Variants in DMWD observed in about 807,000 individuals in gnomAD.
The protein encoded by DMWD is DM1 locus, WD repeat containing, also known as dystrophia myotonica WD repeat-containing protein.
A neutral mutation model predicts 45.8 loss-of-function variants in DMWD; 19 were observed. That is an observed-to-expected ratio of 0.41 (90% CI 0.29 to 0.61). The LOEUF is 0.61. Among genes scored for constraint, DMWD ranks in the 20% least tolerant of loss-of-function variants. The pLI is 0.25. For missense variants in DMWD, 802 were observed against 965.2 expected (o/e 0.83, Z 2.24); for synonymous variants, 515 against 440.5 (o/e 1.17, Z -2.12).
Position 45,790,929 on chromosome 19 carries a change from G to A in DMWD, c.600C>T (p.Asp200=). Residue 200 remains aspartate (D), a synonymous_variant, in exon 2 of 5, where the codon GAC becomes GAT. Coordinates refer to ENST00000270223, the MANE Select transcript of DMWD (RefSeq NM_004943.2). ...QVQYLDLIKK[D]TSKLFNEERL... The stretch of plus-strand genomic sequence containing the variant: ...CCTCCTCATTGAACAGCTTGCTGGT[G>A]TCCTTTTTGATGAGATCCAGGTACT... 1 of 1,609,968 alleles carries A rather than the reference G, an allele frequency of 6.2e-7. No individual in the cohort carries two copies. Among genetic ancestry groups the A allele is most frequent in the Non-Finnish European group, 8.5e-7 (1 of 1,178,354 alleles).
chr19:45,787,268 C>A (rs1326909354), intron 2 of DMWD: 1 of 278,080 alleles, frequency 3.6e-6, no homozygotes, highest in African/African-American at 2.2e-5. Context: ...GGCGAGCAGG[C>A]ATTACAGCCT....
intron 2 of DMWD, among the ~76,000 whole-genome samples, chr19:45,787,378 T>C (rs952462569): frequency 6.6e-6 from 1 of 152,098 alleles, no homozygotes; most frequent in Admixed American, 6.5e-5. Flanking sequence ...GTGCGCTCCT[T>C]ATTAGAATCT....
chr19:45,789,118 C>T (rs1249168693), intron 2 of DMWD: 1 of 152,186 alleles, frequency 6.6e-6, no homozygotes, highest in East Asian at 1.9e-4. Flanking sequence ...CACACGAAGA[C>T]TTAACTTGAT....
intron 3 of DMWD, 69 bp downstream of exon 3, chr19:45,785,524 CT>C (rs1970258459): frequency 7.0e-7 from 1 of 1,426,806 alleles, no homozygotes; most frequent in Non-Finnish European, 9.2e-7. Context: ...AGCCCTCTCT[CT>C]GCCAATGCCT....
chr19:45,792,188 G>A (rs1435820995), intron 1 of DMWD, 128 bp downstream of exon 1: 1 of 1,391,458 alleles, frequency 7.2e-7, no homozygotes, highest in Admixed American at 3.0e-5. Context: ...CAATGCTGTC[G>A]CCCTACAACG....
rs1970233079 is a variant in DMWD, at chr19:45,784,228, C to T, written c.*15G>A. On this transcript the variant is annotated 3_prime_UTR_variant, in exon 5 of 5. Transcript: ENST00000270223. ...GCTGGGGGCATGGGGTTGGGGGGGC[C>T]CGATATCCATGGCTTCACACCACTG... 1 of 1,557,384 alleles carries T rather than the reference C, an allele frequency of 6.4e-7. No individual in the cohort carries two copies. The highest frequency in any genetic ancestry group is 2.3e-5 in the East Asian group (1 of 43,228).
chr19:45,784,922 C>T (rs1199365321), intron 3 of DMWD, among the ~76,000 whole-genome samples: 1 of 152,210 alleles, frequency 6.6e-6, no homozygotes, highest in Non-Finnish European at 1.5e-5. Flanking sequence ...ACACCCAAGA[C>T]GAGCTCCGAA....
chr19:45,783,930 G>A lies in DMWD; in HGVS notation c.*313C>T, dbSNP rs912661667. The A allele has an allele frequency of 1.3e-5, 7 of 538,328 alleles. No individual in the cohort carries two copies. Among genetic ancestry groups the A allele is most frequent in the African/African-American group, 1.0e-4 (5 of 49,924 alleles). The allele number at this position is 538,328 out of a possible 1,614,324, so 33.3% of individuals were successfully genotyped here. On this transcript the variant is annotated 3_prime_UTR_variant, in exon 5 of 5. Coordinates refer to ENST00000270223, the MANE Select transcript of DMWD (RefSeq NM_004943.2). ...CTGCAGACCTGGGGCTCTTGTGGCA[G>A]GGGCGGGGAGTCTCTCCCCAGGAGT...
Position 45,783,992 on chromosome 19 carries a change from A to C in DMWD, c.*251T>G, listed in dbSNP as rs1482833588. The stretch of plus-strand genomic sequence containing the variant: ...TGCTGGGGACAGGGATGAGGGTAAC[A>C]CTGATGTTTCAGAGGAAGAGGTCAT... On this transcript the variant is annotated 3_prime_UTR_variant, in exon 5 of 5. Coordinates refer to ENST00000270223, the MANE Select transcript of DMWD (RefSeq NM_004943.2). 1 of 638,634 alleles carries C rather than the reference A, an allele frequency of 1.6e-6. No individual in the cohort carries two copies. The highest frequency in any genetic ancestry group is 2.8e-6 in the Non-Finnish European group (1 of 362,064). The allele number at this position is 638,634 out of a possible 1,614,324, so 39.6% of individuals were successfully genotyped here. A position where few individuals can be genotyped will look rare whatever the true frequency, so the allele number is the denominator to read the frequency against.
rs1408024087 is a variant in DMWD, at chr19:45,792,667, C to T, written c.90G>A (p.Glu30=). The T allele has an allele frequency of 7.6e-7, 1 of 1,317,822 alleles. No homozygotes were observed. Among genetic ancestry groups the T allele is most frequent in the Non-Finnish European group, 9.8e-7 (1 of 1,017,912 alleles). The allele number at this position is 1,317,822 out of a possible 1,614,324, so 81.6% of individuals were successfully genotyped here. A position where few individuals can be genotyped will look rare whatever the true frequency, so the allele number is the denominator to read the frequency against. ...CGCCCGGGAGTAGCTTGTAGAAACC[C>T]TCGCGCGTGCGGAATTGCGACTTAA... The part of the protein sequence containing the change: ...AEIKSQFRTR[E]GFYKLLPGDG... The change falls in exon 1 of 5, where the codon GAG becomes GAA. Residue 30 remains glutamate (E), a synonymous_variant. Coordinates refer to ENST00000270223, the MANE Select transcript of DMWD (RefSeq NM_004943.2).
Position 45,790,775 on chromosome 19 carries a change from C to G in DMWD, c.624+130G>C, listed in dbSNP as rs548419434. On this transcript the variant is annotated intron_variant, in intron 2 of 4. Coordinates refer to ENST00000270223, the MANE Select transcript of DMWD (RefSeq NM_004943.2). ...GGCAGCTGTCATTAGCTGCTGTCAC[C>G]CCATTCTCCATCTCTCCCTGGTCCT... 1,390 of 1,042,242 alleles carry G rather than the reference C, an allele frequency of 1.3e-3. 6 individuals are homozygous for G. The highest frequency in any genetic ancestry group is 2.5e-3 in the South Asian group (152 of 59,624). The allele number at this position is 1,042,242 out of a possible 1,614,324, so 64.6% of individuals were successfully genotyped here. A position where few individuals can be genotyped will look rare whatever the true frequency, so the allele number is the denominator to read the frequency against.
chr19:45,790,858 G>A (rs2146275310), intron 2 of DMWD, 47 bp downstream of exon 2: 4 of 1,566,084 alleles, frequency 2.6e-6, no homozygotes, highest in East Asian at 2.2e-5. Context: ...CATATAGTGG[G>A]TAGGTGAGAA....
chr19:45,784,795 C>A, intron 3 of DMWD, 80 bp from the exon 4 acceptor site: 1 of 1,557,380 alleles, frequency 6.4e-7, no homozygotes, highest in Non-Finnish European at 8.7e-7. Context: ...GTCACTCAGA[C>A]TGTGCTCTCA....
At chr19:45,790,356 TAAA>T (rs968100127) in intron 2 of DMWD, among the ~76,000 whole-genome samples, 1 of 123,062 alleles carries the variant, frequency 8.1e-6, no homozygotes. Context: ...CAATTACAAT[TAAA>T]AAAAAAAAAA....
chr19:45,788,891 T>C (rs1970318670), intron 2 of DMWD, among the ~76,000 whole-genome samples: 1 of 149,092 alleles, frequency 6.7e-6, no homozygotes, highest in East Asian at 2.0e-4. Flanking sequence ...ATCGTACCAC[T>C]GCACTCCAGC....
At position 45,785,980 on chromosome 19, in the gene DMWD, C is replaced by T; in HGVS notation, c.1516G>A (p.Gly506Ser). The T allele has an allele frequency of 1.3e-6, 2 of 1,570,990 alleles. No homozygotes were observed. Among genetic ancestry groups the T allele is most frequent in the Non-Finnish European group, 8.6e-7 (1 of 1,159,820 alleles). The change falls in exon 3 of 5, where the codon GGC becomes AGC. Residue 506 changes from glycine (G) to serine (S), a missense_variant. This residue lies in a region of DMWD where 303 missense variants were observed against 332.9 expected (regional missense o/e 0.91). Coordinates refer to ENST00000270223, the MANE Select transcript of DMWD (RefSeq NM_004943.2). ...LPHPAGGGKA[G>S]GPGVAAEPGT... is the part of the protein sequence containing the mutation. ...GGCTCTGCCGCCACACCCGGGCCGC[C>T]CGCCTTGCCCCCGCCAGCTGGGTGC...
At chr19:45,790,804 C>G in intron 2 of DMWD, 101 bp downstream of exon 2, 1 of 1,356,456 alleles carries the variant, frequency 7.4e-7, no homozygotes, top group Non-Finnish European at 1.0e-6. Context: ...TGGTCCTGCC[C>G]CTCTCAGGCC....
rs1006754171 is a variant in DMWD, at chr19:45,791,224, C to T, written c.442-137G>A. 14 of 842,770 alleles carry T rather than the reference C, an allele frequency of 1.7e-5. No homozygotes were observed. The African/African-American group carries it at 1.7e-4, about 10-fold the overall frequency. The allele number at this position is 842,770 out of a possible 1,614,324, so 52.2% of individuals were successfully genotyped here. ...AGTGGGGAGGTGAGTAGGTGGATTG[C>T]GAAGGACGGGGCAACCACAGACGGG... On this transcript the variant is annotated intron_variant, in intron 1 of 4. Coordinates refer to ENST00000270223, the MANE Select transcript of DMWD (RefSeq NM_004943.2).
rs756192006 is a variant in DMWD at position 45,792,402 on chromosome 19, G to A, written c.355C>T (p.Leu119=). 31 of 1,590,264 alleles carry A rather than the reference G, an allele frequency of 1.9e-5. No homozygotes were observed. The highest frequency in any genetic ancestry group is 2.6e-5 in the Non-Finnish European group (30 of 1,169,224). Residue 119 remains leucine, a synonymous_variant, in exon 1 of 5, where the codon CTG becomes TTG. Coordinates refer to ENST00000270223, the MANE Select transcript of DMWD (RefSeq NM_004943.2). ...CAGACGCGGTCTCCCCCCGAGCCCA[G>A]CCCCGCGGGCGTGGCGGGCGGCTCC... ...AGEPPATPAG[L]GSGGDRVCFN... is the part of the protein sequence containing the mutation.
Sources: allele counts gnomAD v4.1 joint callset (sites outside exome capture counted in the v4.1 genomes callset), GRCh38; gene constraint gnomAD v4.1.1; regional missense constraint gnomAD v4.1.1; transcripts MANE v1.5; gene names NCBI Gene and HGNC (gene_info 2026-07-23, HGNC 2026-07-21).